USP36: variants seen among roughly 807,000 people sequenced by gnomAD.
USP36 encodes the protein ubiquitin specific peptidase 36.
Under a neutral mutation model 111.5 loss-of-function variants are expected in USP36, and 59 were observed. That is an observed-to-expected ratio of 0.53 (90% CI 0.43 to 0.66). The LOEUF (loss-of-function observed/expected upper bound fraction) is 0.66, where lower values mean the gene tolerates loss of function less well. Among genes scored for constraint, USP36 ranks in the 30% least tolerant of loss-of-function variants. The pLI is 0.00. For missense variants in USP36, 1,488 were observed against 1,468.0 expected (o/e 1.01, Z -0.22); for synonymous variants, 628 against 581.0 (o/e 1.08, Z -1.16).
At position 78,807,206 on chromosome 17, in the gene USP36, G is replaced by C. The variant is rs1366193110; in HGVS notation, c.1838C>G (p.Ser613Cys). ...AGLDRRGSSS[S>C]SPEHSASSDS... is the part of the protein sequence containing the mutation. The stretch of plus-strand genomic sequence containing the variant: ...GCTGCTGGCCGAGTGCTCTGGGCTG[G>C]AGCTGCTGGAGCCCCTCCTGTCGAG... Residue 613 changes from serine (S) to cysteine (C), a missense_variant, in exon 14 of 21, where the codon TCC becomes TGC. Ser to Cys is a moderately radical substitution (Grantham distance 112). This residue lies in a region of USP36 where 1,073 missense variants were observed against 994.1 expected (regional missense o/e 1.08). Coordinates refer to ENST00000449938, the MANE Select transcript of USP36 (RefSeq NM_001385174.1). 6.2e-7 allele frequency: 1 copy of C among 1,614,080 alleles called. No homozygotes were observed. Among genetic ancestry groups the C allele is most frequent in the South Asian group, 1.1e-5 (1 of 91,072 alleles).
intron 14 of USP36, 45 bp downstream of exon 14, chr17:78,806,914 G>C: frequency 6.3e-7 from 1 of 1,593,634 alleles, no homozygotes; most frequent in Non-Finnish European, 8.6e-7. Flanking sequence ...GCAACTCTTG[G>C]AGCTCTCCTG....
rs2093923720 is a variant in USP36 at position 78,807,093 on chromosome 17, A to G, written c.1951T>C (p.Ser651Pro). 1 of 1,614,118 alleles carries G rather than the reference A, an allele frequency of 6.2e-7. No individual in the cohort carries two copies. Among genetic ancestry groups the G allele is most frequent in the African/African-American group, 1.3e-5 (1 of 75,016 alleles). The change falls in exon 14 of 21, where the codon TCC becomes CCC. Residue 651 changes from serine (S) to proline (P), a missense_variant. Ser to Pro is a moderately conservative substitution (Grantham distance 74, BLOSUM62 -1). Around this residue, in one of 3 missense-constraint regions of USP36, gnomAD observed 1,073 missense variants for 994.1 expected, o/e 1.08. Coordinates refer to ENST00000449938, the MANE Select transcript of USP36 (RefSeq NM_001385174.1). The stretch of plus-strand genomic sequence containing the variant: ...TCTGCTCCACTTGGCGGCGTTTTGG[A>G]GTGGCCAGCGGTGGAACAGTTCGTT... ...QETNCSTAGH[S>P]KTPPSGADSK...
chr17:78,799,877 CTTTT>C (rs549964435), intron 17 of USP36, 109 bp from the exon 18 acceptor site: 8,957 of 154,308 alleles, frequency 0.058, 140 homozygotes, highest in Non-Finnish European at 0.065. Context: ...GGATGCTTGC[CTTTT>C]TTTTTTTTTT....
In USP36 at chr17:78,797,118, T is replaced by C. The variant is rs1233914578; in HGVS notation, c.*782A>G. On this transcript the variant is annotated 3_prime_UTR_variant, in exon 21 of 21. Coordinates refer to ENST00000449938, the MANE Select transcript of USP36 (RefSeq NM_001385174.1). ...AAGTAGTAAAATAAATGGAGAATTC[T>C]ACCCCAAAGCCTCCACCTCAGTGAA... 6.6e-6 allele frequency: 1 copy of C among 152,244 alleles called. No homozygotes were observed. The highest frequency in any genetic ancestry group is 2.4e-5 in the African/African-American group (1 of 41,460). 9.4% of individuals were successfully genotyped at this position (152,244 alleles called of 1,614,324 possible). A position where few individuals can be genotyped will look rare whatever the true frequency, so the allele number is the denominator to read the frequency against.
At chr17:78,813,558 T>A (rs532664309) in intron 12 of USP36, among the ~76,000 whole-genome samples, 1 of 152,216 alleles carries the variant, frequency 6.6e-6, no homozygotes, top group East Asian at 1.9e-4. Flanking sequence ...CAAAACAGCA[T>A]CAATGTGAGG....
chr17:78,792,082 T>G (rs1309606686), downstream of USP36: 1 of 152,426 alleles, frequency 6.6e-6, no homozygotes, highest in Non-Finnish European at 1.5e-5. Flanking sequence ...TGTCAAATCC[T>G]GGGAAGAAGT....
Position 78,818,648 on chromosome 17 carries a change from T to G in USP36, c.1023+19A>C, listed in dbSNP as rs559677548. 6.2e-7 allele frequency: 1 copy of G among 1,609,928 alleles called. No homozygotes were observed. The highest frequency in any genetic ancestry group is 1.1e-5 in the South Asian group (1 of 91,008). On this transcript the variant is annotated intron_variant, in intron 10 of 20. Coordinates refer to ENST00000449938, the MANE Select transcript of USP36 (RefSeq NM_001385174.1). The stretch of plus-strand genomic sequence containing the variant: ...CTGTGGCCCACGGAGCTGCCTGGGA[T>G]GGTGTCACGAGCGCTCACCTTGGTG...
intron 4 of USP36, among the ~76,000 whole-genome samples, chr17:78,830,218 T>C (rs1463076923): frequency 6.6e-6 from 1 of 152,246 alleles, no homozygotes; most frequent in Admixed American, 6.5e-5. Context: ...TGTGTATCCA[T>C]GAACAATAAA....
chr17:78,797,285 G>C lies in USP36; in HGVS notation c.*615C>G, dbSNP rs949680252. The C allele has an allele frequency of 1.3e-5, 2 of 152,226 alleles. No homozygotes were observed. The highest frequency in any genetic ancestry group is 4.8e-5 in the African/African-American group (2 of 41,440). 9.4% of individuals were successfully genotyped at this position (152,226 alleles called of 1,614,324 possible). ...CCTCTGCTCTCCAGGACAGTTGAGA[G>C]CTACTCACAAGGAAGGGGTGCACAG... On this transcript the variant is annotated 3_prime_UTR_variant, in exon 21 of 21. Transcript: ENST00000449938.
rs1599003822 is a variant in USP36 at position 78,807,481 on chromosome 17, T to C, written c.1563A>G (p.Thr521=). Residue 521 remains threonine (T), a synonymous_variant, in exon 14 of 21, where the codon ACA becomes ACG. Transcript: ENST00000449938. ...SGSPSPKLSQ[T]PTHMPTILDD... is the part of the protein sequence containing the mutation. ...CTAGGATGGTTGGCATGTGTGTGGG[T>C]GTCTGGGAGAGTTTGGGGGAAGGGG... The C allele has an allele frequency of 6.2e-7, 1 of 1,613,910 alleles. No homozygotes were observed. The highest frequency in any genetic ancestry group is 8.5e-7 in the Non-Finnish European group (1 of 1,179,890).
chr17:78,790,415 C>T (rs1232426104), intron 3 of USP36, among the ~76,000 whole-genome samples: 1 of 152,170 alleles, frequency 6.6e-6, no homozygotes. Flanking sequence ...CTCAGCCTCC[C>T]GAGTAGCTGG....
At chr17:78,839,750 C>T (rs748383673) in intron 1 of USP36, among the ~76,000 whole-genome samples, 3 of 152,218 alleles carry the variant, frequency 2.0e-5, no homozygotes. Flanking sequence ...AACGCTCGCT[C>T]GCTCTCTGAC....
At chr17:78,812,173 T>G (rs1165070418) in intron 13 of USP36, among the ~76,000 whole-genome samples, 1 of 151,764 alleles carries the variant, frequency 6.6e-6, no homozygotes, top group Non-Finnish European at 1.5e-5. Flanking sequence ...GGTAACAGAG[T>G]GAGACCCTGT....
rs527576124 is a variant in USP36, at chr17:78,806,432, A to G, written c.2086-146T>C. On this transcript the variant is annotated intron_variant, in intron 14 of 20. Coordinates refer to ENST00000449938, the MANE Select transcript of USP36 (RefSeq NM_001385174.1). The stretch of plus-strand genomic sequence containing the variant: ...GGAGACAGAAGAAGACAAAAAGGGG[A>G]GGTGAGGGGCAGGGGAATGGTAGAA... The G allele has an allele frequency of 1.1e-4, 114 of 1,016,576 alleles. No homozygotes were observed. The African/African-American group carries it at 1.7e-3, about 16-fold the overall frequency. 63.0% of individuals were successfully genotyped at this position (1,016,576 alleles called of 1,614,324 possible).
intron 10 of USP36, among the ~76,000 whole-genome samples, chr17:78,816,650 A>T (rs889275779): frequency 6.6e-6 from 1 of 151,598 alleles, no homozygotes; most frequent in Non-Finnish European, 1.5e-5. Context: ...AAAAACCAAA[A>T]TTTTTTTGTA....
intron 16 of USP36, 88 bp from the exon 17 acceptor site, chr17:78,802,623 G>A: frequency 7.5e-7 from 1 of 1,328,964 alleles, no homozygotes; most frequent in Non-Finnish European, 1.0e-6. Context: ...ACATGGAGAA[G>A]GTGCCACCCC....
rs1488523429 is a variant in USP36 at position 78,840,794 on chromosome 17, G to C, written c.-232C>G. ...GCAGCCCTGGCGACTCCTTCGGCCC[G>C]CGGCCCAGCACGCGCACCATCCGGG... On this transcript the variant is annotated 5_prime_UTR_variant, in exon 1 of 21. Coordinates refer to ENST00000449938, the MANE Select transcript of USP36 (RefSeq NM_001385174.1). 1 of 152,374 alleles carries C rather than the reference G, an allele frequency of 6.6e-6. No homozygotes were observed. Among genetic ancestry groups the C allele is most frequent in the Non-Finnish European group, 1.5e-5 (1 of 68,242 alleles). 9.4% of individuals were successfully genotyped at this position (152,374 alleles called of 1,614,324 possible). A position where few individuals can be genotyped will look rare whatever the true frequency, so the allele number is the denominator to read the frequency against.
chr17:78,840,049 C>G (rs1455577073), intron 1 of USP36, among the ~76,000 whole-genome samples: 1 of 152,354 alleles, frequency 6.6e-6, no homozygotes, highest in Admixed American at 6.5e-5. Context: ...CGGGGCCCAG[C>G]GCCGCGCTCC....
chr17:78,818,653 T>A lies in USP36; in HGVS notation c.1023+14A>T, dbSNP rs1034320578. 2 of 1,612,716 alleles carry A rather than the reference T, an allele frequency of 1.2e-6. No homozygotes were observed. The highest frequency in any genetic ancestry group is 1.7e-6 in the Non-Finnish European group (2 of 1,178,818). On this transcript the variant is annotated intron_variant, in intron 10 of 20. Coordinates refer to ENST00000449938, the MANE Select transcript of USP36 (RefSeq NM_001385174.1). Reference sequence around the variant, plus strand: ...GCCCACGGAGCTGCCTGGGATGGTGTCACGAGCGCTCACCTTGGTGATCTT... The same window carrying A: ...GCCCACGGAGCTGCCTGGGATGGTGACACGAGCGCTCACCTTGGTGATCTT...
Sources: allele counts gnomAD v4.1 joint callset (sites outside exome capture counted in the v4.1 genomes callset), GRCh38; gene constraint gnomAD v4.1.1; regional missense constraint gnomAD v4.1.1; transcripts MANE v1.5; gene names NCBI Gene and HGNC (gene_info 2026-07-23, HGNC 2026-07-21).